The following HDAC5 variants were observed in gnomAD, a reference collection of about 807,000 sequenced individuals.
HDAC5 encodes antigen NY-CO-9.
Under a neutral mutation model 133.3 loss-of-function variants are expected in HDAC5, and 25 were observed. That is an observed-to-expected ratio of 0.19 (90% CI 0.14 to 0.26). HDAC5 has a LOEUF of 0.26. HDAC5 is among the 10% of genes least tolerant of loss of function. The pLI, the probability that HDAC5 is intolerant of heterozygous loss-of-function variation, is 1.00. For synonymous variants in HDAC5, 589 were observed against 610.8 expected (o/e 0.96, Z 0.53); for missense variants, 1,041 against 1,460.5 (o/e 0.71, Z 4.68).
chr17:44,079,639 CAAAAAAA>C (rs773678478), intron 23 of HDAC5, among the ~76,000 whole-genome samples: 1 of 66,020 alleles, frequency 1.5e-5, no homozygotes, highest in Non-Finnish European at 2.5e-5. Flanking sequence ...GACTCCACCT[CAAAAAAA>C]AAAAAAAAAA....
At chr17:44,121,131 G>C (rs1417658158) in intron 1 of HDAC5, among the ~76,000 whole-genome samples, 1 of 151,542 alleles carries the variant, frequency 6.6e-6, no homozygotes, top group Non-Finnish European at 1.5e-5. Context: ...AAGAGAGGGG[G>C]GTGGTGAGAG....
chr17:44,091,781 G>A lies in HDAC5; in HGVS notation c.1083C>T (p.Phe361=), dbSNP rs200361036. Residue 361 remains phenylalanine, a synonymous_variant, in exon 10 of 27, where the codon TTC becomes TTT. Transcript: ENST00000682912. ...GCAGAGAAGGAGACGTGTAGAGGCT[G>A]AACTGGTTGGGGGAGCTGTCCAGAG... The part of the protein sequence containing the change: ...ALPLDSSPNQ[F]SLYTSPSLPN... 2.6e-5 allele frequency: 42 copies of A among 1,602,062 alleles called. No homozygotes were observed. The East Asian group carries it at 8.9e-4, about 34-fold the overall frequency.
At chr17:44,084,699 G>A (rs367773860) in intron 15 of HDAC5, 24 bp from the exon 16 acceptor site, 3 of 1,612,860 alleles carry the variant, frequency 1.9e-6, no homozygotes, top group Non-Finnish European at 1.7e-6. Flanking sequence ...CAGTAAGAGG[G>A]GTCACACAAA....
At chr17:44,098,270 G>A (rs1250192825) in intron 3 of HDAC5, among the ~76,000 whole-genome samples, 1 of 152,216 alleles carries the variant, frequency 6.6e-6, no homozygotes, top group Non-Finnish European at 1.5e-5. Context: ...CAGAGCAGGT[G>A]GCAGCAGTTG....
rs201841759 is a variant in HDAC5 at position 44,085,046 on chromosome 17, C to T, written c.2160G>A (p.Glu720=). The change falls in exon 15 of 27, where the codon GAG becomes GAA. Residue 720 remains glutamate, a synonymous_variant. Coordinates refer to ENST00000682912, the MANE Select transcript of HDAC5 (RefSeq NM_005474.5). ...RIQSIWSRLQ[E]TGLLSKCERI... ...CCTCGCACTTGCTAAGCAGGCCTGT[C>T]TCCTGCAGCCGGGACCAGATGCTCT... 4 of 1,593,024 alleles carry T rather than the reference C, an allele frequency of 2.5e-6. No homozygotes were observed. The highest frequency in any genetic ancestry group is 3.4e-5 in the Admixed American group (2 of 59,668).
chr17:44,116,002 C>CAAT (rs1567691443), intron 2 of HDAC5: 3 of 152,258 alleles, frequency 2.0e-5, no homozygotes, highest in African/African-American at 7.2e-5. Context: ...AAAGGTAACC[C>CAAT]AATAACTTCA....
At chr17:44,095,252 G>C (rs1411259196) in intron 3 of HDAC5, among the ~76,000 whole-genome samples, 3 of 152,210 alleles carry the variant, frequency 2.0e-5, no homozygotes, top group African/African-American at 7.2e-5. Context: ...ACCAGACACA[G>C]CTAGGTGATC....
At chr17:44,086,406 C>A (rs1319335632) in intron 14 of HDAC5, among the ~76,000 whole-genome samples, 166 bp downstream of exon 14, 3 of 152,242 alleles carry the variant, frequency 2.0e-5, no homozygotes, top group African/African-American at 7.2e-5. Flanking sequence ...GGCCCTGCCG[C>A]TACCATGAAC....
intron 11 of HDAC5, among the ~76,000 whole-genome samples, 179 bp from the exon 12 acceptor site, chr17:44,088,777 C>T (rs1481607118): frequency 6.6e-6 from 1 of 152,130 alleles, no homozygotes; most frequent in Admixed American, 6.5e-5. Context: ...TTCCTCTTCC[C>T]CATGAATGAA....
chr17:44,099,506 G>A (rs1461038024), intron 3 of HDAC5, among the ~76,000 whole-genome samples: 4 of 150,926 alleles, frequency 2.7e-5, no homozygotes, highest in African/African-American at 7.3e-5. Flanking sequence ...ACGGAGTCTC[G>A]CTCTGTTGCC....
chr17:44,111,283 C>T, intron 2 of HDAC5: 1 of 304,648 alleles, frequency 3.3e-6, no homozygotes, highest in East Asian at 8.3e-5. Flanking sequence ...GGGGGAGGGC[C>T]CTGTCTATAA....
chr17:44,115,230 T>A (rs1032402314), intron 2 of HDAC5, among the ~76,000 whole-genome samples: 8 of 152,192 alleles, frequency 5.3e-5, no homozygotes, highest in African/African-American at 1.9e-4. Flanking sequence ...AAGCCTACTG[T>A]CCTTTACTCT....
chr17:44,091,158 A>G, intron 11 of HDAC5, 112 bp downstream of exon 11: 2 of 833,580 alleles, frequency 2.4e-6, no homozygotes, highest in South Asian at 3.0e-5. Context: ...TGTGGAAGAA[A>G]TCACTGATGC....
At chr17:44,111,344 T>TGG in intron 2 of HDAC5, 1 of 314,350 alleles carries the variant, frequency 3.2e-6, no homozygotes, top group Non-Finnish European at 6.4e-6. Context: ...GGAGGCCCCA[T>TGG]GGGGGGGGAG....
Position 44,114,956 on chromosome 17 carries a change from C to T in HDAC5, c.22+2538G>A, listed in dbSNP as rs576978590. ...TAAAGTCAAAGGCTGGTAGGCAGCC[C>T]GAGCCAGAGGGAAGTCATCAGCTCC... On this transcript the variant is annotated intron_variant, in intron 2 of 26. Transcript: ENST00000682912. Among the ~76,000 whole-genome samples the T allele has an allele frequency of 2.6e-5, 4 of 152,268 alleles. No homozygotes were observed. The East Asian group carries it at 7.7e-4, about 29-fold the overall frequency.
chr17:44,091,733 C>T lies in HDAC5; in HGVS notation c.1131G>A (p.Gln377=), dbSNP rs1374007854. The change falls in exon 10 of 27, where the codon CAG becomes CAA. Residue 377 remains glutamine (Q), a synonymous_variant. Coordinates refer to ENST00000682912, the MANE Select transcript of HDAC5 (RefSeq NM_005474.5). ...PSLPNISLGL[Q]ATVTVTNSHL... ...GTGAGTTGGTGACAGTGACCGTGGC[C>T]TGCAGCCCTAGGGAGATGTTGGGCA... 6.3e-7 allele frequency: 1 copy of T among 1,592,028 alleles called. No individual in the cohort carries two copies. Among genetic ancestry groups the T allele is most frequent in the Non-Finnish European group, 8.6e-7 (1 of 1,169,124 alleles).
At chr17:44,108,609 C>G (rs541011503) in intron 3 of HDAC5, among the ~76,000 whole-genome samples, 1 of 151,530 alleles carries the variant, frequency 6.6e-6, no homozygotes, top group Non-Finnish European at 1.5e-5. Context: ...GTCTGGAGAC[C>G]GATCAAGAGA....
At chr17:44,107,485 G>A (rs2052033746) in intron 3 of HDAC5, among the ~76,000 whole-genome samples, 1 of 151,766 alleles carries the variant, frequency 6.6e-6, no homozygotes, top group African/African-American at 2.4e-5. Flanking sequence ...GCGTGTGCCT[G>A]TAGTCCCAGC....
Position 44,078,485 on chromosome 17 carries a change from C to A in HDAC5, c.3329+15G>T. On this transcript the variant is annotated intron_variant, in intron 26 of 26. Transcript: ENST00000682912. ...CAGGGGTGAGGGCAGAGAGGTGGTGCGGGTTGCTGCTTACCTGGGGCTGTG... is the reference window on the plus strand; with the variant it reads ...CAGGGGTGAGGGCAGAGAGGTGGTGAGGGTTGCTGCTTACCTGGGGCTGTG... The A allele has an allele frequency of 6.3e-7, 1 of 1,597,656 alleles. No individual in the cohort carries two copies. Among genetic ancestry groups the A allele is most frequent in the South Asian group, 1.1e-5 (1 of 88,694 alleles).
Sources: allele counts gnomAD v4.1 joint callset (sites outside exome capture counted in the v4.1 genomes callset), GRCh38; gene constraint gnomAD v4.1.1; transcripts MANE v1.5; gene names NCBI Gene and HGNC (gene_info 2026-07-23, HGNC 2026-07-21).